Variants in NPHP1 observed in about 807,000 individuals in gnomAD.
NPHP1 encodes the protein nephrocystin-1.
A neutral mutation model predicts 90.4 loss-of-function variants in NPHP1; 70 were observed. The ratio of observed to expected loss-of-function variants is 0.77; its 90% CI spans 0.64 to 0.95. NPHP1 has a LOEUF of 0.95. NPHP1 is among the 40% of genes least tolerant of loss of function. The pLI, the probability that NPHP1 is intolerant of heterozygous loss-of-function variation, is 0.00. For synonymous variants in NPHP1, 256 were observed against 271.7 expected (o/e 0.94, Z 0.57); for missense variants, 764 against 795.9 (o/e 0.96, Z 0.48).
chr2:110,188,834 T>TA (rs1436401694), intron 2 of NPHP1, among the ~76,000 whole-genome samples: 1 of 152,052 alleles, frequency 6.6e-6, no homozygotes, highest in Non-Finnish European at 1.5e-5. Flanking sequence ...AACTCAGAAA[T>TA]AAGACTTGCA....
intron 3 of NPHP1, among the ~76,000 whole-genome samples, chr2:110,179,132 G>A (rs1683708372): frequency 6.8e-6 from 1 of 146,400 alleles, no homozygotes; most frequent in African/African-American, 2.6e-5. Flanking sequence ...ACATCTAGCT[G>A]TAGCCAAGGC....
chr2:110,198,093 G>A (rs1222048066), intron 2 of NPHP1, among the ~76,000 whole-genome samples: 2 of 151,948 alleles, frequency 1.3e-5, no homozygotes, highest in Non-Finnish European at 2.9e-5. Context: ...AAGGAAAGAA[G>A]GACAACTAGC....
intron 2 of NPHP1, among the ~76,000 whole-genome samples, chr2:110,182,453 C>A (rs1224026677): frequency 6.6e-6 from 1 of 151,946 alleles, no homozygotes; most frequent in Non-Finnish European, 1.5e-5. Flanking sequence ...GAAACCCAAA[C>A]CCTATAAGCC....
intron 16 of NPHP1, among the ~76,000 whole-genome samples, chr2:110,132,449 G>A (rs1487488153): frequency 1.3e-5 from 2 of 152,190 alleles, no homozygotes; most frequent in African/African-American, 4.8e-5. Flanking sequence ...GAGGTCAGGA[G>A]TTTGAGACCA....
At chr2:110,194,296 T>C (rs1318811554) in intron 2 of NPHP1, among the ~76,000 whole-genome samples, 18 of 151,732 alleles carry the variant, frequency 1.2e-4, no homozygotes, top group Admixed American at 1.1e-3. Context: ...AAGAATCAAA[T>C]AGATGCAATA....
intron 2 of NPHP1, among the ~76,000 whole-genome samples, chr2:110,183,447 T>C (rs186199943): frequency 6.0e-4 from 92 of 152,292 alleles, no homozygotes; most frequent in African/African-American, 2.1e-3. Flanking sequence ...AGTAAATCTA[T>C]AATCTATAGA....
At chr2:110,193,171 G>A (rs1684874306) in intron 2 of NPHP1, among the ~76,000 whole-genome samples, 1 of 152,096 alleles carries the variant, frequency 6.6e-6, no homozygotes, top group Non-Finnish European at 1.5e-5. Context: ...AACCTTAAAT[G>A]TAAATGGGCT....
chr2:110,165,704 T>A (rs1474929657), intron 6 of NPHP1, among the ~76,000 whole-genome samples: 2 of 151,912 alleles, frequency 1.3e-5, no homozygotes, highest in African/African-American at 4.8e-5. Context: ...CTCACACAAA[T>A]ATCTAAGGAT....
chr2:110,163,852 G>A (rs1559075128), intron 8 of NPHP1: 1 of 154,218 alleles, frequency 6.5e-6, no homozygotes, highest in Non-Finnish European at 1.4e-5. Flanking sequence ...GTCGAGGTGA[G>A]GTTTCGCTGT....
chr2:110,134,708 T>TA (rs1680036341), intron 16 of NPHP1, among the ~76,000 whole-genome samples: 1 of 152,046 alleles, frequency 6.6e-6, no homozygotes, highest in South Asian at 2.1e-4. Context: ...CATAATGTGC[T>TA]ACATTAACAG....
At chr2:110,153,254 T>C (rs1315020140) in intron 11 of NPHP1, among the ~76,000 whole-genome samples, 1 of 152,008 alleles carries the variant, frequency 6.6e-6, no homozygotes, top group East Asian at 1.9e-4. Context: ...AGGGACAATC[T>C]CAGATAAAGT....
At chr2:110,178,849 AATGAGACAG>A (rs1485678234) in intron 3 of NPHP1, 1 of 243,480 alleles carries the variant, frequency 4.1e-6, no homozygotes, top group Admixed American at 5.2e-5. Context: ...CTTTAAAGTC[AATGAGACAG>A]GCACCAATCC....
At chr2:110,191,235 C>A (rs373381282) in intron 2 of NPHP1, among the ~76,000 whole-genome samples, 1 of 152,132 alleles carries the variant, frequency 6.6e-6, no homozygotes, top group South Asian at 2.1e-4. Flanking sequence ...ACCCGGGAAG[C>A]ACAAGGGACA....
chr2:110,142,851 T>C (rs1193729748), intron 16 of NPHP1, among the ~76,000 whole-genome samples: 17 of 152,164 alleles, frequency 1.1e-4, no homozygotes, highest in Admixed American at 6.5e-5. Context: ...ATGGTAAAGT[T>C]GAAAAATCTT....
chr2:110,130,866 G>C (rs2104434733), intron 17 of NPHP1, among the ~76,000 whole-genome samples: 2 of 152,236 alleles, frequency 1.3e-5, no homozygotes, highest in South Asian at 4.2e-4. Flanking sequence ...TCTTCCCAGT[G>C]CATGTTCTCG....
Position 110,131,678 on chromosome 2 carries a change from C to G in NPHP1, c.1642+1G>C. ...ATAAGGAAGTGGCAAAGCCCACTTACCAGTACTTTGCAAGCTCATCCTGTC... is the reference window on the plus strand; with the variant it reads ...ATAAGGAAGTGGCAAAGCCCACTTAGCAGTACTTTGCAAGCTCATCCTGTC... On this transcript the variant is annotated splice_donor_variant, in intron 17 of 19. Transcript: ENST00000445609. LOFTEE classifies it high-confidence loss of function. 6.3e-7 allele frequency: 1 copy of G among 1,590,802 alleles called. No homozygotes were observed. Among genetic ancestry groups the G allele is most frequent in the Middle Eastern group, 1.7e-4 (1 of 6,014 alleles).
At chr2:110,180,903 C>A (rs1683857687) in intron 2 of NPHP1, among the ~76,000 whole-genome samples, 1 of 152,202 alleles carries the variant, frequency 6.6e-6, no homozygotes, top group Non-Finnish European at 1.5e-5. Flanking sequence ...AGCAGAGCAG[C>A]TGCTCAGGCA....
At chr2:110,148,120 G>T in intron 12 of NPHP1, 94 bp from the exon 13 acceptor site, 1 of 842,892 alleles carries the variant, frequency 1.2e-6, no homozygotes, top group Non-Finnish European at 2.0e-6. Flanking sequence ...CAAATTTCAT[G>T]TTGAATTGTA....
At chr2:110,134,508 A>G (rs2104446962) in intron 16 of NPHP1, among the ~76,000 whole-genome samples, 1 of 151,854 alleles carries the variant, frequency 6.6e-6, no homozygotes, top group Admixed American at 6.5e-5. Flanking sequence ...TTACCCTAGT[A>G]AAAAAGCCAA....
Sources: gnomAD v4.1 joint callset for allele counts (sites outside exome capture counted in the v4.1 genomes callset) on GRCh38, gnomAD v4.1.1 for gene constraint, MANE v1.5 for transcripts, NCBI Gene and HGNC (gene_info 2026-07-23, HGNC 2026-07-21) for gene names.